ARHGAP32: variants seen among roughly 807,000 people sequenced by gnomAD.
The protein encoded by ARHGAP32 is rho GTPase-activating protein 32.
ARHGAP32 carries 51 observed loss-of-function variants against 186.5 expected under a neutral mutation model. The ratio of observed to expected loss-of-function variants is 0.27; its 90% confidence interval spans 0.22 to 0.35. The LOEUF (loss-of-function observed/expected upper bound fraction) is 0.35. Among genes scored for constraint, ARHGAP32 ranks in the 10% least tolerant of loss-of-function variants. ARHGAP32 has a pLI of 1.00. For missense variants in ARHGAP32, 2,186 were observed against 2,623.5 expected (o/e 0.83, Z 3.64); for synonymous variants, 950 against 964.3 (o/e 0.99, Z 0.27).
In ARHGAP32 at chr11:129,202,055, C is replaced by CAT. The variant is rs557100268; in HGVS notation, c.-4-37630_-4-37629dup. Among the ~76,000 whole-genome samples, 855 of 151,460 alleles carry CAT rather than the reference C, an allele frequency of 5.6e-3. 3 individuals carry two copies. The highest frequency in any genetic ancestry group is 0.052 in the Middle Eastern group (15 of 288). ...GTGTGTGTATATATACACACATATA[C>CAT]ATATATATATACAAGTACATATACA... On this transcript the variant is annotated intron_variant, in intron 1 of 6. Transcript: ENST00000525234.
intron 10 of ARHGAP32, among the ~76,000 whole-genome samples, chr11:129,060,417 TTAG>T (rs1000482765): frequency 1.3e-5 from 2 of 151,812 alleles, no homozygotes; most frequent in African/African-American, 2.4e-5. Context: ...CAGAAGAAAG[TTAG>T]TAGTAACATC....
intron 1 of ARHGAP32, among the ~76,000 whole-genome samples, chr11:129,269,412 AG>A (rs1945447027): frequency 6.6e-6 from 1 of 152,194 alleles, no homozygotes; most frequent in Admixed American, 6.5e-5. Context: ...GAGAGGACGA[AG>A]GCAGCCATGA....
intron 6 of ARHGAP32, among the ~76,000 whole-genome samples, chr11:129,070,874 T>C (rs1940845887): frequency 6.6e-6 from 1 of 152,050 alleles, no homozygotes; most frequent in South Asian, 2.1e-4. Context: ...TTGCCTTTTA[T>C]TGACTTAATG....
chr11:129,148,464 C>T (rs959653230), intron 2 of ARHGAP32, among the ~76,000 whole-genome samples: 2 of 152,164 alleles, frequency 1.3e-5, no homozygotes, highest in African/African-American at 2.4e-5. Context: ...CATGTACTCC[C>T]AGTCTCCAGC....
intron 5 of ARHGAP32, among the ~76,000 whole-genome samples, chr11:129,100,431 C>T (rs1941860274): frequency 6.6e-6 from 1 of 152,162 alleles, no homozygotes; most frequent in South Asian, 2.1e-4. Context: ...TGGAGAGCTG[C>T]AGAGGGGTGG....
At chr11:129,027,830 G>A (rs910653557) in intron 11 of ARHGAP32, among the ~76,000 whole-genome samples, 4 of 152,038 alleles carry the variant, frequency 2.6e-5, no homozygotes, top group East Asian at 1.9e-4. Flanking sequence ...CTAGTCACAC[G>A]TGAATACAAA....
Position 128,972,709 on chromosome 11 carries a change from G to A in ARHGAP32, c.3797C>T (p.Pro1266Leu). 1 of 1,614,032 alleles carries A rather than the reference G, an allele frequency of 6.2e-7. No individual in the cohort carries two copies. The change falls in exon 22 of 23, where the codon CCC becomes CTC. Residue 1266 changes from proline (P) to leucine (L), a missense_variant. Physicochemically the swap from Pro to Leu is moderately conservative, Grantham distance 98. Transcript: ENST00000682385. ...SDKIYPPSGS[P>L]EENTSTATMT... ...GGTGGCTGTGCTGGTATTCTCTTCG[G>A]GGGACCCAGAAGGAGGGTAGATTTT...
At chr11:129,085,383 C>T (rs1331108330) in intron 6 of ARHGAP32, among the ~76,000 whole-genome samples, 1 of 152,068 alleles carries the variant, frequency 6.6e-6, no homozygotes. Context: ...AAACAAACTA[C>T]ACAGACAGCT....
At position 128,985,858 on chromosome 11, in the gene ARHGAP32, G is replaced by GTGTGTGTA. The variant is rs760311247; in HGVS notation, c.1526+144_1526+145insTACACACA. On this transcript the variant is annotated intron_variant, in intron 15 of 22. Coordinates refer to ENST00000682385, the MANE Select transcript of ARHGAP32 (RefSeq NM_001378024.1). ...TGTGTGTGTGTGTGTGTGTGTGTGT[G>GTGTGTGTA]TATATATATATATATATATATATAT... The GTGTGTGTA allele has an allele frequency of 7.5e-4, 72 of 95,960 alleles. 1 individual carries two copies. The highest frequency in any genetic ancestry group is 1.6e-3 in the East Asian group (5 of 3,118). 5.9% of individuals were successfully genotyped at this position (95,960 alleles called of 1,614,324 possible).
At chr11:129,035,186 C>T (rs150446699) in intron 11 of ARHGAP32, among the ~76,000 whole-genome samples, 15 of 152,116 alleles carry the variant, frequency 9.9e-5, no homozygotes, top group African/African-American at 3.1e-4. Context: ...CTCTCTCTCT[C>T]TCTCTCTCTA....
chr11:129,150,422 C>T (rs1404699596), intron 2 of ARHGAP32, among the ~76,000 whole-genome samples: 7 of 152,106 alleles, frequency 4.6e-5, no homozygotes, highest in African/African-American at 1.7e-4. Context: ...CAGTGCCCCA[C>T]TCAGAACTTA....
chr11:129,080,827 G>C (rs1250868305), intron 6 of ARHGAP32, among the ~76,000 whole-genome samples: 1 of 151,848 alleles, frequency 6.6e-6, no homozygotes, highest in Non-Finnish European at 1.5e-5. Flanking sequence ...CTGGTTCTTT[G>C]AAAAGATAAA....
chr11:129,000,232 A>C (rs1946318048), intron 11 of ARHGAP32, among the ~76,000 whole-genome samples: 1 of 152,202 alleles, frequency 6.6e-6, no homozygotes, highest in Non-Finnish European at 1.5e-5. Context: ...GAGTAAATTA[A>C]TATTTGAAAA....
At chr11:129,018,432 C>T (rs2134875381) in intron 11 of ARHGAP32, among the ~76,000 whole-genome samples, 1 of 152,226 alleles carries the variant, frequency 6.6e-6, no homozygotes, top group East Asian at 1.9e-4. Flanking sequence ...CAGTTAGAGT[C>T]TTAAGTAAGT....
chr11:129,061,892 AAC>A (rs1447335047), intron 10 of ARHGAP32, among the ~76,000 whole-genome samples: 6 of 152,226 alleles, frequency 3.9e-5, no homozygotes, highest in African/African-American at 1.4e-4. Context: ...AAGTTTACAT[AAC>A]AGTTACAATG....
At chr11:129,015,297 C>T (rs1172331022) in intron 11 of ARHGAP32, among the ~76,000 whole-genome samples, 2 of 152,174 alleles carry the variant, frequency 1.3e-5, no homozygotes, top group African/African-American at 4.8e-5. Context: ...TGGGGTATGA[C>T]TGCCCTGGAA....
intron 11 of ARHGAP32, among the ~76,000 whole-genome samples, chr11:129,038,761 C>G (rs1407806058): frequency 6.7e-6 from 1 of 150,060 alleles, no homozygotes; most frequent in East Asian, 1.9e-4. Context: ...GCGGCATGCA[C>G]GTGTAATGTC....
chr11:129,192,123 C>G lies in ARHGAP32; in HGVS notation c.76G>C (p.Val26Leu). The G allele has an allele frequency of 6.2e-7, 1 of 1,613,882 alleles. No homozygotes were observed. The highest frequency in any genetic ancestry group is 8.5e-7 in the Non-Finnish European group (1 of 1,179,822). ...CTTTCTTCCTCTTCACAGTCAGTCA[C>G]CTGGATTATAACTTCAGACTCCAAC... is the stretch of plus-strand genomic sequence containing the variant. ...FWLESEVIIQ[V>L]TDCEEEEREE... Residue 26 changes from valine (V) to leucine (L), a missense_variant, in exon 1 of 23, where the codon GTG becomes CTG. Physicochemically the swap from Val to Leu is conservative, Grantham distance 32. Coordinates refer to ENST00000682385, the MANE Select transcript of ARHGAP32 (RefSeq NM_001378024.1).
intron 1 of ARHGAP32, among the ~76,000 whole-genome samples, chr11:129,201,978 G>A (rs762633381): frequency 1.2e-4 from 18 of 151,906 alleles, no homozygotes; most frequent in Middle Eastern, 3.2e-3. Flanking sequence ...GCAAGAGCCT[G>A]TCTCTGTCTG....
Sources: gnomAD v4.1 joint callset for allele counts (sites outside exome capture counted in the v4.1 genomes callset) on GRCh38, gnomAD v4.1.1 for gene constraint, MANE v1.5 for transcripts, NCBI Gene and HGNC (gene_info 2026-07-23, HGNC 2026-07-21) for gene names.